PICALM: variants seen among roughly 807,000 people sequenced by gnomAD.
PICALM encodes the protein phosphatidylinositol-binding clathrin assembly protein.
A neutral mutation model predicts 80.5 loss-of-function variants in PICALM; 40 were observed. That is an observed-to-expected ratio of 0.50 (90% CI 0.39 to 0.65). The LOEUF (loss-of-function observed/expected upper bound fraction) is 0.65, where lower values mean the gene tolerates loss of function less well. Ranked by LOEUF, PICALM falls within the 30% of genes least tolerant of loss-of-function variation. The pLI is 0.00. For synonymous variants in PICALM, 288 were observed against 260.3 expected, an observed-to-expected ratio of 1.11 and a Z score of -1.02; for missense variants, 676 against 778.9, an observed-to-expected ratio of 0.87 and a Z score of 1.57.
chr11:85,980,157 G>C (rs2094398846), intron 17 of PICALM, among the ~76,000 whole-genome samples: 1 of 152,108 alleles, frequency 6.6e-6, no homozygotes, highest in Admixed American at 6.6e-5. Context: ...GCAAAAATTT[G>C]ACTCATCCAA....
chr11:86,001,335 A>T (rs1438060158), intron 9 of PICALM, among the ~76,000 whole-genome samples, 177 bp from the exon 10 acceptor site: 2 of 152,250 alleles, frequency 1.3e-5, no homozygotes, highest in Non-Finnish European at 2.9e-5. Context: ...ACAGGATTAA[A>T]GCAATTAGAA....
intron 1 of PICALM, among the ~76,000 whole-genome samples, chr11:86,066,214 T>C (rs760547467): frequency 6.6e-5 from 10 of 152,230 alleles, no homozygotes; most frequent in Non-Finnish European, 1.5e-4. Context: ...ATTTGTTTAG[T>C]AAACCACTCA....
At chr11:86,015,704 T>C (rs927571207) in intron 4 of PICALM, among the ~76,000 whole-genome samples, 3 of 152,222 alleles carry the variant, frequency 2.0e-5, no homozygotes, top group African/African-American at 2.4e-5. Context: ...GCTTATTATA[T>C]ATCACACTAA....
At chr11:85,982,423 C>CTTTTTTTTTGTTTT (rs2094467076) in intron 14 of PICALM, among the ~76,000 whole-genome samples, 1 of 70,170 alleles carries the variant, frequency 1.4e-5, no homozygotes, top group South Asian at 4.9e-4. Context: ...ATTTTATAGA[C>CTTTTTTTTTGTTTT]TTTTTTTTTT....
chr11:86,060,044 T>C (rs946625123), intron 1 of PICALM, among the ~76,000 whole-genome samples: 8 of 152,190 alleles, frequency 5.3e-5, no homozygotes, highest in African/African-American at 1.2e-4. Context: ...AAAGTGGACA[T>C]AGGGATTATG....
At chr11:85,965,230 C>T (rs1425861798) in intron 19 of PICALM, among the ~76,000 whole-genome samples, 1 of 152,156 alleles carries the variant, frequency 6.6e-6, no homozygotes. Context: ...TACTATCATG[C>T]ACCAAGAAGG....
In PICALM at chr11:85,976,689, T is replaced by C. The variant is rs767498454; in HGVS notation, c.1780-7A>G. 10 of 1,556,448 alleles carry C rather than the reference T, an allele frequency of 6.4e-6. No homozygotes were observed. In the African/African-American group the frequency reaches 1.1e-4, roughly 17 times the overall value. On this transcript the variant is annotated splice_region_variant and splice_polypyrimidine_tract_variant and intron_variant, in intron 17 of 19. Transcript: ENST00000393346. ...AGGCCATTACAGGGGGTGCCTAACA[T>C]AGTGAAAGGAAAAATGAACAAGAAA...
intron 13 of PICALM, among the ~76,000 whole-genome samples, chr11:85,984,735 T>C (rs1188398337): frequency 6.6e-6 from 1 of 152,170 alleles, no homozygotes; most frequent in East Asian, 1.9e-4. Context: ...ACACTAATGC[T>C]AGTGGTATTA....
chr11:86,003,482 G>A (rs759034126), intron 8 of PICALM, 31 bp from the exon 9 acceptor site: 2 of 1,378,876 alleles, frequency 1.5e-6, no homozygotes, highest in Non-Finnish European at 2.0e-6. Flanking sequence ...AGAATTTCAT[G>A]ATAATTAGGC....
intron 12 of PICALM, among the ~76,000 whole-genome samples, chr11:85,992,686 A>G (rs1030417149): frequency 6.6e-6 from 1 of 152,228 alleles, no homozygotes; most frequent in African/African-American, 2.4e-5. Context: ...TTTCACGCAA[A>G]AAAAGCCATG....
intron 7 of PICALM, 115 bp downstream of exon 7, chr11:86,010,915 G>T: frequency 1.5e-6 from 1 of 645,956 alleles, no homozygotes; most frequent in Non-Finnish European, 2.8e-6. Flanking sequence ...GCATAATAAT[G>T]ATTGAATACT....
intron 12 of PICALM, among the ~76,000 whole-genome samples, chr11:85,992,916 G>A (rs1402345835): frequency 6.6e-6 from 1 of 152,056 alleles, no homozygotes; most frequent in African/African-American, 2.4e-5. Flanking sequence ...ATCAGATAAG[G>A]AAAACCAGTT....
chr11:85,987,756 C>T (rs954363414), intron 13 of PICALM, among the ~76,000 whole-genome samples: 17 of 152,210 alleles, frequency 1.1e-4, no homozygotes, highest in African/African-American at 4.1e-4. Flanking sequence ...TGGGTACCAG[C>T]TACTGTACCC....
chr11:85,957,271 A>G lies in PICALM; in HGVS notation c.*1775T>C, dbSNP rs1565172229. The stretch of plus-strand genomic sequence containing the variant: ...TTCTCCAATCACAGCAAATATTATG[A>G]GACACTTATCAATGCAAAGCTTTTG... On this transcript the variant is annotated 3_prime_UTR_variant, in exon 20 of 20. Transcript: ENST00000393346. Among the ~76,000 whole-genome samples the G allele has an allele frequency of 1.3e-5, 2 of 152,222 alleles. No individual in the cohort carries two copies. The highest frequency in any genetic ancestry group is 2.9e-5 in the Non-Finnish European group (2 of 68,038).
At chr11:85,980,448 T>C (rs946380293) in intron 17 of PICALM, among the ~76,000 whole-genome samples, 7 of 152,232 alleles carry the variant, frequency 4.6e-5, no homozygotes, top group South Asian at 2.1e-4. Flanking sequence ...ATGTGACATA[T>C]ACATATATGC....
intron 17 of PICALM, among the ~76,000 whole-genome samples, chr11:85,980,478 G>GTT: frequency 6.6e-6 from 1 of 152,038 alleles, no homozygotes; most frequent in African/African-American, 2.4e-5. Context: ...CCCCAGCAAG[G>GTT]GTTCAGTGTT....
At chr11:85,981,311 G>A in intron 16 of PICALM, 83 bp from the exon 17 acceptor site, 1 of 818,634 alleles carries the variant, frequency 1.2e-6, no homozygotes. Context: ...AACAGAGTAA[G>A]ATAGAGACTT....
chr11:86,000,299 C>A (rs745734459), intron 11 of PICALM, among the ~76,000 whole-genome samples: 4 of 152,106 alleles, frequency 2.6e-5, no homozygotes, highest in Admixed American at 6.5e-5. Flanking sequence ...AAATATATAT[C>A]ATATCCATAT....
chr11:85,990,475 G>T, intron 12 of PICALM, 76 bp from the exon 13 acceptor site: 3 of 879,802 alleles, frequency 3.4e-6, no homozygotes, highest in Non-Finnish European at 4.9e-6. Context: ...GTCAAAAGAT[G>T]CAAAGTGAAA....
Sources: allele counts gnomAD v4.1 joint callset (sites outside exome capture counted in the v4.1 genomes callset), GRCh38; gene constraint gnomAD v4.1.1; transcripts MANE v1.5; gene names NCBI Gene and HGNC (gene_info 2026-07-23, HGNC 2026-07-21).